Variants in UIMC1 observed in about 807,000 individuals in gnomAD.
UIMC1 encodes ubiquitin interaction motif containing 1, also known as BRCA1-A complex subunit RAP80.
UIMC1 carries 42 observed loss-of-function variants against 84.9 expected under a neutral mutation model. That is an observed-to-expected ratio of 0.49 (90% CI 0.39 to 0.64). UIMC1 has a LOEUF of 0.64. Ranked by LOEUF, UIMC1 falls within the 30% of genes least tolerant of loss-of-function variation. UIMC1 has a pLI of 0.00. For missense variants in UIMC1, 825 were observed against 847.6 expected, an observed-to-expected ratio of 0.97 and a Z score of 0.33; for synonymous variants, 281 against 293.0, an observed-to-expected ratio of 0.96 and a Z score of 0.42.
intron 6 of UIMC1, among the ~76,000 whole-genome samples, chr5:176,964,852 C>T (rs963825882): frequency 1.3e-5 from 2 of 152,182 alleles, no homozygotes; most frequent in African/African-American, 4.8e-5. Context: ...TGACAAGTAA[C>T]CTCCATCAAG....
Position 176,908,523 on chromosome 5 carries a change from C to G in UIMC1, c.1848G>C (p.Lys616Asn). Residue 616 changes from lysine to asparagine, a missense_variant and splice_region_variant, in exon 12 of 15, where the codon AAG (lysine) becomes AAC (asparagine). By Grantham distance (94) the Lys-to-Asn change is moderately conservative (BLOSUM62 0). Transcript: ENST00000511320. ...CTTTCCCAAAACACTCTACACATAC[C>G]TTTGGGTTCTTCAGCCTCTGCTGCC... ...GKWQQRLKNP[K>N]EKGHSEGRLL... 1 of 1,613,192 alleles carries G rather than the reference C, an allele frequency of 6.2e-7. No homozygotes were observed. Among genetic ancestry groups the G allele is most frequent in the South Asian group, 1.1e-5 (1 of 91,000 alleles).
chr5:176,937,716 G>A (rs1484038026), intron 10 of UIMC1, among the ~76,000 whole-genome samples: 1 of 152,158 alleles, frequency 6.6e-6, no homozygotes, highest in African/African-American at 2.4e-5. Flanking sequence ...GACACTTTAT[G>A]TAAATGATTC....
chr5:176,995,330 C>T (rs1773445239), intron 1 of UIMC1, among the ~76,000 whole-genome samples: 1 of 151,770 alleles, frequency 6.6e-6, no homozygotes, highest in Non-Finnish European at 1.5e-5. Context: ...AGGCAGATTG[C>T]TTGAGGACAA....
At chr5:176,925,687 T>A (rs370351544) in intron 10 of UIMC1, among the ~76,000 whole-genome samples, 9 of 152,238 alleles carry the variant, frequency 5.9e-5, no homozygotes, top group African/African-American at 2.2e-4. Context: ...TATACTGGTA[T>A]GATTCTACTA....
At chr5:177,013,119 A>G (rs944145273) in intron 1 of UIMC1, among the ~76,000 whole-genome samples, 10 of 150,746 alleles carry the variant, frequency 6.6e-5, no homozygotes, top group African/African-American at 2.2e-4. Context: ...GTTCATGCCT[A>G]TAATCTTAGC....
intron 13 of UIMC1, among the ~76,000 whole-genome samples, chr5:176,906,747 G>T (rs2962844): frequency 0.42 from 63,157 of 152,082 alleles, 13,408 homozygotes; most frequent in East Asian, 0.48. Flanking sequence ...GGTAACATAT[G>T]AATGATGCAC....
chr5:176,922,394 C>T (rs1235054106), intron 10 of UIMC1, among the ~76,000 whole-genome samples: 1 of 152,204 alleles, frequency 6.6e-6, no homozygotes, highest in Admixed American at 6.5e-5. Context: ...ATTGGCTTAG[C>T]CAGAAACCTG....
At chr5:176,919,583 A>G (rs1219283092) in intron 10 of UIMC1, among the ~76,000 whole-genome samples, 1 of 152,156 alleles carries the variant, frequency 6.6e-6, no homozygotes, top group Non-Finnish European at 1.5e-5. Flanking sequence ...CCTCCCAAGT[A>G]GATGGGACTT....
intron 1 of UIMC1, among the ~76,000 whole-genome samples, chr5:177,015,610 A>G (rs1312766871): frequency 1.3e-5 from 2 of 152,180 alleles, no homozygotes; most frequent in Admixed American, 1.3e-4. Flanking sequence ...TGTGGACTAT[A>G]ATGGAGAAAA....
chr5:176,929,592 T>C (rs186424427), intron 10 of UIMC1, among the ~76,000 whole-genome samples: 314 of 152,188 alleles, frequency 2.1e-3, no homozygotes, highest in African/African-American at 6.9e-3. Context: ...TGAGATATAA[T>C]CTGAAATAAT....
At chr5:177,015,842 G>C (rs1355594532) in intron 1 of UIMC1, among the ~76,000 whole-genome samples, 1 of 152,140 alleles carries the variant, frequency 6.6e-6, no homozygotes, top group Non-Finnish European at 1.5e-5. Flanking sequence ...GGCTGAGACA[G>C]GCAGATCACT....
chr5:176,965,606 C>T (rs979439997), intron 6 of UIMC1, among the ~76,000 whole-genome samples: 1 of 152,140 alleles, frequency 6.6e-6, no homozygotes, highest in South Asian at 2.1e-4. Flanking sequence ...TAGGCATTAG[C>T]CATTGTGCCT....
At chr5:176,958,441 G>A (rs1581531888) in intron 6 of UIMC1, among the ~76,000 whole-genome samples, 1 of 152,184 alleles carries the variant, frequency 6.6e-6, no homozygotes, top group East Asian at 1.9e-4. Flanking sequence ...CTCACAGAGT[G>A]TTGTGAAAAT....
Position 176,953,414 on chromosome 5 carries a change from A to T in UIMC1, c.1340-1837T>A, listed in dbSNP as rs933302216. Among the ~76,000 whole-genome samples the T allele has an allele frequency of 4.4e-4, 67 of 152,064 alleles. 2 individuals carry two copies. Among genetic ancestry groups the T allele is most frequent in the Admixed American group, 4.6e-4 (7 of 15,262 alleles). On this transcript the variant is annotated intron_variant, in intron 8 of 14. Coordinates refer to ENST00000511320, the MANE Select transcript of UIMC1 (RefSeq NM_001199298.2). Reference sequence around the variant, plus strand: ...CTGCAAGTTTCTAATGTATCTTCTGAATCATTAAGAAAGGATTAAATACAT... The same window carrying T: ...CTGCAAGTTTCTAATGTATCTTCTGTATCATTAAGAAAGGATTAAATACAT...
At chr5:177,007,207 G>A (rs1363132674), upstream of UIMC1, among the ~76,000 whole-genome samples, 1 of 152,012 alleles carries the variant, frequency 6.6e-6, no homozygotes, top group African/African-American at 2.4e-5. Context: ...AGGCGTGGTG[G>A]CGCGTGCGTG....
intron 10 of UIMC1, among the ~76,000 whole-genome samples, chr5:176,932,858 CTTTTTTTTTTT>C (rs749495757): frequency 9.4e-6 from 1 of 106,686 alleles, no homozygotes; most frequent in Non-Finnish European, 1.8e-5. Context: ...AATAGCAATG[CTTTTTTTTTTT>C]TTTTTTTTTT....
upstream of UIMC1, among the ~76,000 whole-genome samples, chr5:177,009,397 G>A (rs1051556072): frequency 6.6e-6 from 1 of 151,646 alleles, no homozygotes; most frequent in African/African-American, 2.4e-5. This position sits in a 1 kb window ranked among gnomAD's most constrained non-coding sequence, Gnocchi z 4.3. Flanking sequence ...AAAAAAAACA[G>A]AAAATAGCAG....
intron 10 of UIMC1, among the ~76,000 whole-genome samples, chr5:176,918,652 T>TA (rs1486518518): frequency 6.6e-6 from 1 of 152,192 alleles, no homozygotes; most frequent in African/African-American, 2.4e-5. Flanking sequence ...CTAATGTTCT[T>TA]ACACCAATCA....
At chr5:176,907,214 T>C (rs757495453) in intron 12 of UIMC1, 37 bp from the exon 13 acceptor site, 22 of 1,586,442 alleles carry the variant, frequency 1.4e-5, no homozygotes, top group African/African-American at 4.0e-5. Context: ...GGTTACTTCA[T>C]GTCAGAGTCT....
Sources: allele counts gnomAD v4.1 joint callset (sites outside exome capture counted in the v4.1 genomes callset), GRCh38; gene constraint gnomAD v4.1.1; non-coding constraint Gnocchi (gnomAD v3.1); transcripts MANE v1.5; gene names NCBI Gene and HGNC (gene_info 2026-07-23, HGNC 2026-07-21).